The following LUZP2 variants were observed in gnomAD, a reference collection of about 807,000 sequenced individuals.
LUZP2 encodes the protein leucine zipper protein 2.
LUZP2 carries 52 observed loss-of-function variants against 51.6 expected under a neutral mutation model. That is an observed-to-expected ratio of 1.01 (90% CI 0.81 to 1.27). The LOEUF (loss-of-function observed/expected upper bound fraction) is 1.27. Ranked by LOEUF, LUZP2 falls within the 50% of genes most tolerant of loss-of-function variation. The pLI is 0.00. For synonymous variants in LUZP2, 154 were observed against 137.3 expected (o/e 1.12, Z -0.85); for missense variants, 436 against 395.4 (o/e 1.10, Z -0.87).
intron 5 of LUZP2, among the ~76,000 whole-genome samples, chr11:24,769,427 G>A (rs917356451): frequency 2.0e-5 from 3 of 152,160 alleles, no homozygotes; most frequent in African/African-American, 7.2e-5. Flanking sequence ...TCTTTGAGGT[G>A]ATAGATATGC....
At chr11:24,994,007 C>G (rs951902461) in intron 9 of LUZP2, among the ~76,000 whole-genome samples, 1 of 151,980 alleles carries the variant, frequency 6.6e-6, no homozygotes, top group South Asian at 2.1e-4. Context: ...ATTACAGGCA[C>G]GTGCCAACAC....
At chr11:24,606,589 T>A (rs1396161263) in intron 1 of LUZP2, among the ~76,000 whole-genome samples, 2 of 152,012 alleles carry the variant, frequency 1.3e-5, no homozygotes, top group African/African-American at 4.8e-5. Context: ...ATTAGAATAG[T>A]GCTGCAGTGA....
chr11:25,050,470 A>T (rs1397455588), intron 10 of LUZP2, among the ~76,000 whole-genome samples: 1 of 151,536 alleles, frequency 6.6e-6, no homozygotes, highest in Non-Finnish European at 1.5e-5. Context: ...GCGCTCGGCT[A>T]ATTTTTTGTA....
intron 1 of LUZP2, among the ~76,000 whole-genome samples, chr11:24,544,048 G>A (rs1356186200): frequency 6.6e-6 from 1 of 151,890 alleles, no homozygotes. Context: ...TTATTCAGCT[G>A]GTAGCAGTTG....
intron 1 of LUZP2, among the ~76,000 whole-genome samples, chr11:24,685,803 T>A (rs1275277205): frequency 6.6e-6 from 1 of 152,186 alleles, no homozygotes; most frequent in African/African-American, 2.4e-5. Flanking sequence ...CAACAATTAT[T>A]TATGTTATTT....
At chr11:24,883,848 A>G (rs550475931) in intron 5 of LUZP2, among the ~76,000 whole-genome samples, 1 of 152,042 alleles carries the variant, frequency 6.6e-6, no homozygotes, top group African/African-American at 2.4e-5. Flanking sequence ...TCCTGTGCCT[A>G]AAGAGTGTTA....
intron 9 of LUZP2, among the ~76,000 whole-genome samples, chr11:25,010,866 T>C (rs1856965124): frequency 6.6e-6 from 1 of 151,542 alleles, no homozygotes. Flanking sequence ...AATAATAACA[T>C]AATAATAACA....
At chr11:24,872,352 T>C (rs1033438796) in intron 5 of LUZP2, among the ~76,000 whole-genome samples, 1 of 152,138 alleles carries the variant, frequency 6.6e-6, no homozygotes, top group Non-Finnish European at 1.5e-5. Flanking sequence ...CCATCTGGAA[T>C]GATTTCACGC....
intron 5 of LUZP2, among the ~76,000 whole-genome samples, chr11:24,797,498 T>C (rs559323413): frequency 6.6e-6 from 1 of 152,290 alleles, no homozygotes; most frequent in East Asian, 1.9e-4. Context: ...GAAGAAACTG[T>C]AACTCAAGGA....
chr11:24,554,893 C>A (rs187198790), intron 1 of LUZP2, among the ~76,000 whole-genome samples: 14 of 152,066 alleles, frequency 9.2e-5, no homozygotes, highest in African/African-American at 3.4e-4. Flanking sequence ...TTAGGGGAAC[C>A]ATCCTTATAA....
intron 9 of LUZP2, among the ~76,000 whole-genome samples, chr11:25,010,102 G>GT (rs1254410830): frequency 3.3e-5 from 5 of 152,208 alleles, no homozygotes; most frequent in African/African-American, 7.2e-5. Flanking sequence ...AGCTTACACT[G>GT]TTTTTTAAAA....
rs550567430 is a variant in LUZP2 at position 25,066,196 on chromosome 11, C to T, written c.859-11133C>T. On this transcript the variant is annotated intron_variant, in intron 10 of 11. Transcript: ENST00000336930. ...TGACTGAAAAAATCTCCCAACTCTTCCTATTAGTTATGCATTACCAAAAGG... is the reference window on the plus strand; with the variant it reads ...TGACTGAAAAAATCTCCCAACTCTTTCTATTAGTTATGCATTACCAAAAGG... 5.3e-5 allele frequency among the ~76,000 whole-genome samples: 8 copies of T among 151,644 alleles called. No individual in the cohort carries two copies. The South Asian group carries it at 1.0e-3, about 20-fold the overall frequency.
chr11:24,931,921 T>A (rs556325397), intron 7 of LUZP2, among the ~76,000 whole-genome samples: 1 of 152,322 alleles, frequency 6.6e-6, no homozygotes, highest in East Asian at 1.9e-4. Context: ...CAGGGGTTAC[T>A]GTTCAGATGA....
At chr11:24,936,009 G>C (rs1854574766) in intron 7 of LUZP2, among the ~76,000 whole-genome samples, 1 of 152,102 alleles carries the variant, frequency 6.6e-6, no homozygotes, top group Non-Finnish European at 1.5e-5. Context: ...AAGCATATTT[G>C]TGAATTTATT....
At chr11:24,888,981 C>T (rs1302325639) in intron 5 of LUZP2, among the ~76,000 whole-genome samples, 1 of 152,140 alleles carries the variant, frequency 6.6e-6, no homozygotes, top group African/African-American at 2.4e-5. Flanking sequence ...TCAGTTAAAA[C>T]TCTTTCCTTT....
intron 5 of LUZP2, among the ~76,000 whole-genome samples, chr11:24,829,495 T>C (rs1406561023): frequency 6.6e-6 from 1 of 152,274 alleles, no homozygotes; most frequent in East Asian, 1.9e-4. Flanking sequence ...TGCTCAAAGA[T>C]TGTGGGAGAA....
At chr11:24,758,354 T>A (rs1859850630) in intron 4 of LUZP2, among the ~76,000 whole-genome samples, 1 of 151,656 alleles carries the variant, frequency 6.6e-6, no homozygotes, top group Admixed American at 6.6e-5. Flanking sequence ...TGTGTACATG[T>A]GCTTGTGTGT....
chr11:24,954,348 A>G (rs1855159298), intron 7 of LUZP2, among the ~76,000 whole-genome samples: 1 of 152,008 alleles, frequency 6.6e-6, no homozygotes, highest in Non-Finnish European at 1.5e-5. Flanking sequence ...CACTTTCCAC[A>G]GTGCACCTCT....
intron 9 of LUZP2, among the ~76,000 whole-genome samples, chr11:25,021,077 A>T (rs1480249199): frequency 6.6e-6 from 1 of 152,118 alleles, no homozygotes; most frequent in Non-Finnish European, 1.5e-5. Flanking sequence ...AGCTCTTCTT[A>T]GTTGGGGCTT....
Sources: gnomAD v4.1 joint callset for allele counts (sites outside exome capture counted in the v4.1 genomes callset) on GRCh38, gnomAD v4.1.1 for gene constraint, MANE v1.5 for transcripts, NCBI Gene and HGNC (gene_info 2026-07-23, HGNC 2026-07-21) for gene names.